The following ANK1 variants were observed in gnomAD, a reference collection of about 807,000 sequenced individuals.
ANK1 encodes ankyrin-1.
Under a neutral mutation model 210.4 loss-of-function variants are expected in ANK1, and 51 were observed. That is an observed-to-expected ratio of 0.24 (90% CI 0.19 to 0.31). The LOEUF is 0.31. Ranked by LOEUF, ANK1 falls within the 10% of genes least tolerant of loss-of-function variation. The pLI, the probability that ANK1 is intolerant of heterozygous loss-of-function variation, is 1.00. For missense variants in ANK1, 2,051 were observed against 2,504.4 expected (o/e 0.82, Z 3.86); for synonymous variants, 967 against 1,025.9 (o/e 0.94, Z 1.10).
At position 41,693,950 on chromosome 8, in the gene ANK1, C is replaced by G. The variant is rs750243858; in HGVS notation, c.3480G>C (p.Arg1160Ser). 2.5e-6 allele frequency: 4 copies of G among 1,613,950 alleles called. No individual in the cohort carries two copies. The highest frequency in any genetic ancestry group is 2.5e-6 in the Non-Finnish European group (3 of 1,179,988). ...PLPPSWTDNP[R>S]DSGEGDTTSL... is the part of the protein sequence containing the mutation. ...TGGTGGTGTCTCCCTCCCCGCTGTC[C>G]CTCGGGTTGTCGGTCCAGGAAGGAG... Residue 1160 changes from arginine to serine, a missense_variant, in exon 29 of 43, where the codon AGG (arginine) becomes AGC (serine). This residue lies in a region of ANK1 where 1,413 missense variants were observed against 1,707.4 expected (regional missense o/e 0.83). Coordinates refer to ENST00000289734, the MANE Select transcript of ANK1 (RefSeq NM_000037.4).
chr8:41,672,270 A>T lies in ANK1; in HGVS notation c.5096+84T>A, dbSNP rs926308067. The T allele has an allele frequency of 2.7e-6, 4 of 1,476,012 alleles. No homozygotes were observed. In the African/African-American group the frequency reaches 4.2e-5, roughly 15 times the overall value. The allele number at this position is 1,476,012 out of a possible 1,614,324, so 91.4% of individuals were successfully genotyped here. Reference sequence around the variant, plus strand: ...ACCCAGGGTCAGGGTTGGCATCGACACCTCTGTCCTCACTGCCAGGCATAA... The same window carrying T: ...ACCCAGGGTCAGGGTTGGCATCGACTCCTCTGTCCTCACTGCCAGGCATAA... On this transcript the variant is annotated intron_variant, in intron 38 of 42. Coordinates refer to ENST00000289734, the MANE Select transcript of ANK1 (RefSeq NM_000037.4).
rs5891167 is a variant in ANK1, at chr8:41,655,305, CTTTTTTTT to C, written c.*477_*484del. The C allele has an allele frequency of 4.1e-5, 6 of 145,160 alleles. No homozygotes were observed. Among genetic ancestry groups the C allele is most frequent in the African/African-American group, 1.6e-4 (6 of 37,640 alleles). The allele number at this position is 145,160 out of a possible 1,614,324, so 9.0% of individuals were successfully genotyped here. On this transcript the variant is annotated 3_prime_UTR_variant, in exon 43 of 43. Coordinates refer to ENST00000289734, the MANE Select transcript of ANK1 (RefSeq NM_000037.4). ...TTAAACTGATTTCATGCCTAGTTTT[CTTTTTTTT>C]TTTTTTCTTTCCAGGAAGCCCACAT...
intron 26 of ANK1, 75 bp downstream of exon 26, chr8:41,696,288 T>A: frequency 6.5e-7 from 1 of 1,532,066 alleles, no homozygotes; most frequent in Non-Finnish European, 9.0e-7. Flanking sequence ...TGTTTCCCCA[T>A]CAGGACAGAT....
intron 20 of ANK1, among the ~76,000 whole-genome samples, chr8:41,703,422 G>GTGTATATA (rs1286560913): frequency 8.9e-4 from 48 of 53,750 alleles, no homozygotes; most frequent in Non-Finnish European, 1.3e-3. Context: ...GTGTGTGTGT[G>GTGTATATA]TATATATATA....
intron 1 of ANK1, among the ~76,000 whole-genome samples, chr8:41,892,918 G>A (rs1198493520): frequency 1.3e-5 from 2 of 152,126 alleles, no homozygotes; most frequent in Non-Finnish European, 2.9e-5. Context: ...AGACGATGAA[G>A]TAGGTGAACA....
chr8:41,790,347 A>T (rs1218893057), intron 1 of ANK1, among the ~76,000 whole-genome samples: 2 of 152,054 alleles, frequency 1.3e-5, no homozygotes, highest in African/African-American at 4.8e-5. Flanking sequence ...TGGTTTCACC[A>T]TGTTGGCCAT....
At chr8:41,769,901 C>T (rs1177051390) in intron 1 of ANK1, among the ~76,000 whole-genome samples, 3 of 151,068 alleles carry the variant, frequency 2.0e-5, no homozygotes, top group Non-Finnish European at 4.4e-5. Flanking sequence ...TGCATTTCCC[C>T]AATAACTGAT....
chr8:41,879,402 C>T (rs796183485), intron 1 of ANK1, among the ~76,000 whole-genome samples: 4 of 152,292 alleles, frequency 2.6e-5, no homozygotes, highest in African/African-American at 7.2e-5. Context: ...CTGGATTTCT[C>T]GAGAACATTG....
At chr8:41,856,436 A>G (rs915979716) in intron 1 of ANK1, among the ~76,000 whole-genome samples, 2 of 152,226 alleles carry the variant, frequency 1.3e-5, no homozygotes, top group Non-Finnish European at 2.9e-5. Flanking sequence ...CTAGGATATT[A>G]TAATTAGGAA....
intron 1 of ANK1, among the ~76,000 whole-genome samples, chr8:41,854,074 A>G (rs1811758461): frequency 6.6e-6 from 1 of 152,232 alleles, no homozygotes; most frequent in African/African-American, 2.4e-5. Flanking sequence ...CTTTGATTAG[A>G]TACTTGGCTA....
chr8:41,847,657 G>A (rs1436293954), intron 1 of ANK1, among the ~76,000 whole-genome samples: 1 of 152,128 alleles, frequency 6.6e-6, no homozygotes, highest in Non-Finnish European at 1.5e-5. Flanking sequence ...CTGACTCTAA[G>A]TTCCTGCTCT....
intron 2 of ANK1, among the ~76,000 whole-genome samples, chr8:41,747,332 A>C (rs1288470459): frequency 6.6e-6 from 1 of 152,160 alleles, no homozygotes. Flanking sequence ...AATCTTCCTC[A>C]AGGCCCAGAC....
At chr8:41,861,877 A>C (rs1813334558) in intron 1 of ANK1, among the ~76,000 whole-genome samples, 1 of 152,160 alleles carries the variant, frequency 6.6e-6, no homozygotes, top group African/African-American at 2.4e-5. Context: ...CTTAGAAAAC[A>C]CACTCAGCCA....
chr8:41,715,134 G>A, intron 14 of ANK1, 60 bp from the exon 15 acceptor site: 1 of 1,478,014 alleles, frequency 6.8e-7, no homozygotes, highest in Non-Finnish European at 9.4e-7. Flanking sequence ...CTGGAGAAAG[G>A]GCCCACAGCA....
intron 1 of ANK1, among the ~76,000 whole-genome samples, chr8:41,804,606 C>A (rs938697935): frequency 1.3e-5 from 2 of 152,110 alleles, no homozygotes; most frequent in Non-Finnish European, 2.9e-5. Context: ...ATAATCTGGT[C>A]TTTTTCAATG....
intron 39 of ANK1, among the ~76,000 whole-genome samples, chr8:41,666,895 C>T (rs752978893): frequency 3.3e-5 from 5 of 152,196 alleles, no homozygotes; most frequent in Non-Finnish European, 7.3e-5. Context: ...AAGCCCTTGG[C>T]TCCTCTGGTC....
chr8:41,855,632 C>T (rs560199168), intron 1 of ANK1, among the ~76,000 whole-genome samples: 106 of 152,330 alleles, frequency 7.0e-4, no homozygotes, highest in African/African-American at 2.4e-3. Flanking sequence ...TCACTGCCTA[C>T]CCCAGATAGC....
chr8:41,699,091 A>G (rs113898012), intron 23 of ANK1, among the ~76,000 whole-genome samples: 52,358 of 151,852 alleles, frequency 0.34, 9,769 homozygotes, highest in African/African-American at 0.47. Context: ...GAGCCACCGC[A>G]CCCGGCCATC....
chr8:41,716,869 C>A, intron 13 of ANK1, 84 bp downstream of exon 13: 1 of 1,388,146 alleles, frequency 7.2e-7, no homozygotes, highest in Non-Finnish European at 1.0e-6. Flanking sequence ...CACTGCAGCC[C>A]CGCCTGGAAT....
Sources: allele counts gnomAD v4.1 joint callset (sites outside exome capture counted in the v4.1 genomes callset), GRCh38; gene constraint gnomAD v4.1.1; regional missense constraint gnomAD v4.1.1; transcripts MANE v1.5; gene names NCBI Gene and HGNC (gene_info 2026-07-23, HGNC 2026-07-21).